Variants in PTCH2 observed in about 807,000 individuals in gnomAD.
PTCH2 encodes the protein protein patched homolog 2.
Under a neutral mutation model 117.9 loss-of-function variants are expected in PTCH2, and 96 were observed. That is an observed-to-expected ratio of 0.81 (90% CI 0.69 to 0.96). The LOEUF (loss-of-function observed/expected upper bound fraction) is 0.96. PTCH2 is among the 50% of genes least tolerant of loss of function. The pLI is 0.00. For missense variants in PTCH2, 1,379 were observed against 1,562.5 expected (o/e 0.88, Z 1.98); for synonymous variants, 615 against 660.9 (o/e 0.93, Z 1.06).
rs1653428010 is a variant in PTCH2, at chr1:44,831,130, C to T, written c.618-87G>A. Reference sequence around the variant, plus strand: ...CTGGGGCGCCATGCTGTACCCCACCCTCCTCTTATCTGCCGATTTGTCCTT... The same window carrying T: ...CTGGGGCGCCATGCTGTACCCCACCTTCCTCTTATCTGCCGATTTGTCCTT... On this transcript the variant is annotated intron_variant, in intron 5 of 21. Coordinates refer to ENST00000372192, the MANE Select transcript of PTCH2 (RefSeq NM_003738.5). This position sits in a 1 kb window ranked among gnomAD's most constrained non-coding sequence, Gnocchi z 4.3. 1 of 1,291,120 alleles carries T rather than the reference C, an allele frequency of 7.7e-7. No individual in the cohort carries two copies. Among genetic ancestry groups the T allele is most frequent in the East Asian group, 2.5e-5 (1 of 39,680 alleles). 80.0% of individuals were successfully genotyped at this position (1,291,120 alleles called of 1,614,324 possible).
chr1:44,829,680 A>T lies in PTCH2; in HGVS notation c.1017T>A (p.His339Gln). The T allele has an allele frequency of 6.2e-7, 1 of 1,614,180 alleles. No homozygotes were observed. Residue 339 changes from histidine (H) to glutamine (Q), a missense_variant, in exon 8 of 22, where the codon CAT (histidine) becomes CAA (glutamine). His to Gln is a conservative substitution (Grantham distance 24). Transcript: ENST00000372192. ...CCTGCTCCTCACTCCAGCCAATGTCATGTGTCTGATAGTCACCCCGGAAAT... is the reference window on the plus strand; with the variant it reads ...CCTGCTCCTCACTCCAGCCAATGTCTTGTGTCTGATAGTCACCCCGGAAAT... ...YEHFRGDYQT[H>Q]DIGWSEEQAS...
intron 2 of PTCH2, 123 bp from the exon 3 acceptor site, chr1:44,832,464 C>G: frequency 1.0e-6 from 1 of 997,606 alleles, no homozygotes; most frequent in African/African-American, 1.6e-5. Context: ...AGAGGAGTCC[C>G]TGCCTTATCC....
intron 2 of PTCH2, among the ~76,000 whole-genome samples, chr1:44,840,039 G>T (rs1052476544): frequency 3.3e-5 from 5 of 151,820 alleles, no homozygotes; most frequent in African/African-American, 4.8e-5. Context: ...ACTGGAGTTT[G>T]ACTCCTATCA....
chr1:44,825,177 C>A (rs1449935710), intron 19 of PTCH2, among the ~76,000 whole-genome samples: 1 of 152,196 alleles, frequency 6.6e-6, no homozygotes, highest in East Asian at 1.9e-4. Flanking sequence ...TGCTCGGTCT[C>A]CCAGGCTGGA....
In PTCH2 at chr1:44,831,967, A is replaced by G. The variant is rs1384137726; in HGVS notation, c.525+8T>C. The G allele has an allele frequency of 3.1e-6, 5 of 1,609,242 alleles. No homozygotes were observed. The highest frequency in any genetic ancestry group is 4.3e-6 in the Non-Finnish European group (5 of 1,175,586). On this transcript the variant is annotated splice_region_variant and intron_variant, in intron 4 of 21. Transcript: ENST00000372192. This position sits in a 1 kb window ranked among gnomAD's most constrained non-coding sequence, Gnocchi z 4.3. The stretch of plus-strand genomic sequence containing the variant: ...AGTTCTGCCTCTACTCCCTCTCAGG[A>G]CACTTACCCGCTCAATCATTCCATT...
rs770575743 is a variant in PTCH2, at chr1:44,826,777, G to A, written c.2696-9C>T. ...GGGCTGAGCTGGCGGGACTGTGGAG[G>A]GGAGGGGAAGGGAGAAGAGGGAGAG... On this transcript the variant is annotated splice_polypyrimidine_tract_variant and intron_variant, in intron 17 of 21. Coordinates refer to ENST00000372192, the MANE Select transcript of PTCH2 (RefSeq NM_003738.5). This position sits in a 1 kb window ranked among gnomAD's most constrained non-coding sequence, Gnocchi z 5.1. 3.8e-6 allele frequency: 6 copies of A among 1,598,792 alleles called. No homozygotes were observed. In the Admixed American group the frequency reaches 1.0e-4, roughly 27 times the overall value.
downstream of PTCH2, chr1:44,821,735 T>C (rs903542641): frequency 8.1e-7 from 1 of 1,234,750 alleles, no homozygotes; most frequent in Admixed American, 3.2e-5. Context: ...CAACAAAATT[T>C]GTTATCGTTT....
rs767618405 is a variant in PTCH2, at chr1:44,823,155, C to T, written c.3271G>A (p.Ala1091Thr). 6 of 1,613,984 alleles carry T rather than the reference C, an allele frequency of 3.7e-6. No individual in the cohort carries two copies. The East Asian group carries it at 8.9e-5, about 24-fold the overall frequency. Residue 1091 changes from alanine to threonine, a missense_variant, in exon 21 of 22, where the codon GCG (alanine) becomes ACG (threonine). Transcript: ENST00000372192. The surrounding 1 kb of genome is among the most constrained non-coding windows in gnomAD (Gnocchi z 5.1). ...CCCAGGAGCGTGAGCACTGTCAGCG[C>T]CGCAAAGAAGTACCTAGGGGTAGGG... ...FDFIVRYFFA[A>T]LTVLTLLGLL...
chr1:44,823,025 C>T lies in PTCH2; in HGVS notation c.3357+44G>A, dbSNP rs774112824. 1.9e-6 allele frequency: 3 copies of T among 1,585,392 alleles called. No individual in the cohort carries two copies. In the Admixed American group the frequency reaches 5.4e-5, roughly 28 times the overall value. ...CTTCCCTTGCCTCTCCCTACCCCGT[C>T]CCTTGGGCTGGGAGTAGAGGGATGG... On this transcript the variant is annotated intron_variant, in intron 21 of 21. Transcript: ENST00000372192. The surrounding 1 kb of genome is among the most constrained non-coding windows in gnomAD (Gnocchi z 5.1).
downstream of PTCH2, chr1:44,820,387 C>T (rs1338914437): frequency 1.6e-6 from 1 of 607,370 alleles, no homozygotes; most frequent in Non-Finnish European, 3.1e-6. Flanking sequence ...GGTCCTGTCC[C>T]GCCGTCCTTA....
In PTCH2 at chr1:44,829,740, G is replaced by A. The variant is rs993550060; in HGVS notation, c.957C>T (p.Thr319=). The A allele has an allele frequency of 9.3e-6, 15 of 1,614,226 alleles. No individual in the cohort carries two copies. The highest frequency in any genetic ancestry group is 2.7e-5 in the African/African-American group (2 of 75,056). The change falls in exon 8 of 22, where the codon ACC becomes ACT. Residue 319 remains threonine (T), a synonymous_variant. Coordinates refer to ENST00000372192, the MANE Select transcript of PTCH2 (RefSeq NM_003738.5). The stretch of plus-strand genomic sequence containing the variant: ...GCTGGCGGGGACTCATCAGCAAGAA[G>A]GTGCTCTGCAGGGCCTCTGCCCTGG... ...ELLRAEALQS[T]FLLMSPRQLY... is the part of the protein sequence containing the mutation.
intron 13 of PTCH2, 37 bp downstream of exon 13, chr1:44,828,259 G>A (rs765817470): frequency 6.2e-7 from 1 of 1,612,790 alleles, no homozygotes; most frequent in East Asian, 2.2e-5. Flanking sequence ...AGGCTGGCGT[G>A]GGTCACGGGA....
chr1:44,835,470 C>G (rs1653644878), intron 2 of PTCH2, among the ~76,000 whole-genome samples: 1 of 152,176 alleles, frequency 6.6e-6, no homozygotes, highest in South Asian at 2.1e-4. Context: ...AAGTTACTAT[C>G]TAACAATTTA....
Position 44,842,843 on chromosome 1 carries a change from A to G in PTCH2, c.72+18T>C. 7 of 1,546,012 alleles carry G rather than the reference A, an allele frequency of 4.5e-6. No individual in the cohort carries two copies. The highest frequency in any genetic ancestry group is 1.2e-5 in the South Asian group (1 of 83,888). On this transcript the variant is annotated intron_variant, in intron 1 of 21. Transcript: ENST00000372192. ...CTGGCTCCGCTCTCTTCCTTCTTCC[A>G]GCTCCCCCTCTACTCACCTGGGGTG...
rs552908012 is a variant in PTCH2, at chr1:44,823,081, G to A, written c.3345C>T (p.Gly1115=). 12 of 1,613,422 alleles carry A rather than the reference G, an allele frequency of 7.4e-6. No individual in the cohort carries two copies. The Admixed American group carries it at 1.5e-4, about 20-fold the overall frequency. The change falls in exon 21 of 22, where the codon GGC becomes GGT. Residue 1115 remains glycine (G), a synonymous_variant. Transcript: ENST00000372192. The surrounding 1 kb of genome is among the most constrained non-coding windows in gnomAD (Gnocchi z 5.1). The stretch of plus-strand genomic sequence containing the variant: ...AGGGTGTGGTCACCTCTGGCGGCGG[G>A]CCCAGGATGGACAGCAGCACAGGCA... ...VLLPVLLSIL[G]PPPEVIQMYK... is the part of the protein sequence containing the mutation.
At position 44,831,589 on chromosome 1, in the gene PTCH2, C is replaced by A; in HGVS notation, c.617+117G>T. ...GAAGCCCATGCTCTCTGTTCCTGGCCTGGGAGGTAATTAGGACCTTGGTAA... is the reference window on the plus strand; with the variant it reads ...GAAGCCCATGCTCTCTGTTCCTGGCATGGGAGGTAATTAGGACCTTGGTAA... On this transcript the variant is annotated intron_variant, in intron 5 of 21. Coordinates refer to ENST00000372192, the MANE Select transcript of PTCH2 (RefSeq NM_003738.5). The surrounding 1 kb of genome is among the most constrained non-coding windows in gnomAD (Gnocchi z 4.3). The A allele has an allele frequency of 9.8e-7, 1 of 1,020,788 alleles. No individual in the cohort carries two copies. Among genetic ancestry groups the A allele is most frequent in the Non-Finnish European group, 1.5e-6 (1 of 670,778 alleles). 63.2% of individuals were successfully genotyped at this position (1,020,788 alleles called of 1,614,324 possible). A position where few individuals can be genotyped will look rare whatever the true frequency, so the allele number is the denominator to read the frequency against.
rs1478954517 is a variant in PTCH2, at chr1:44,828,391, G to T, written c.1614C>A (p.Thr538=). The T allele has an allele frequency of 6.2e-7, 1 of 1,614,168 alleles. No homozygotes were observed. Among genetic ancestry groups the T allele is most frequent in the Non-Finnish European group, 8.5e-7 (1 of 1,180,024 alleles). The change falls in exon 13 of 22, where the codon ACC becomes ACA. Residue 538 remains threonine (T), a synonymous_variant. Transcript: ENST00000372192. ...SLQAAIVVGC[T]FVAVMLVFPA... is the part of the protein sequence containing the mutation. ...GGAAGACAAGCATCACGGCTACAAA[G>T]GTGCAGCCAACCACTATGGCCGCCT...
rs200873074 is a variant in PTCH2, at chr1:44,826,562, C to T, written c.2902G>A (p.Val968Ile). Residue 968 changes from valine to isoleucine, a missense_variant, in exon 18 of 22, where the codon GTC (valine) becomes ATC (isoleucine). Coordinates refer to ENST00000372192, the MANE Select transcript of PTCH2 (RefSeq NM_003738.5). The surrounding 1 kb of genome is among the most constrained non-coding windows in gnomAD (Gnocchi z 5.1). ...LGLRRCFLLA[V>I]CILLVCTFLV... ...AAAGTGCACACCAGCAGGATGCAGA[C>T]GGCCAGCAGGAAGCAGCGCCGCAGG... 1.6e-4 allele frequency: 254 copies of T among 1,613,530 alleles called. No individual in the cohort carries two copies. Among genetic ancestry groups the T allele is most frequent in the African/African-American group, 4.9e-4 (37 of 75,024 alleles).
intron 19 of PTCH2, among the ~76,000 whole-genome samples, chr1:44,825,844 CTTTT>C (rs35549385): frequency 5.1e-5 from 6 of 118,398 alleles, no homozygotes; most frequent in Admixed American, 8.7e-5. Flanking sequence ...AGCCCAAATT[CTTTT>C]TTTTTTTTTT....
Sources: gnomAD v4.1 joint callset for allele counts (sites outside exome capture counted in the v4.1 genomes callset) on GRCh38, gnomAD v4.1.1 for gene constraint, Gnocchi (gnomAD v3.1) non-coding constraint, MANE v1.5 for transcripts, NCBI Gene and HGNC (gene_info 2026-07-23, HGNC 2026-07-21) for gene names.